The following ENDOD1 variants were observed in gnomAD, a reference collection of about 807,000 sequenced individuals.
The protein encoded by ENDOD1 is endonuclease domain containing 1.
ENDOD1 carries 9 observed loss-of-function variants against 6.5 expected under a neutral mutation model. That is an observed-to-expected ratio of 1.39 (90% confidence interval 0.84 to 2.43). The LOEUF is 2.43. Ranked by LOEUF, ENDOD1 falls within the 30% of genes most tolerant of loss-of-function variation. The pLI, the probability that ENDOD1 is intolerant of heterozygous loss-of-function variation, is 0.00. For missense variants in ENDOD1, 648 were observed against 635.5 expected, an observed-to-expected ratio of 1.02 and a Z score of -0.21; for synonymous variants, 255 against 255.2, an observed-to-expected ratio of 1.00 and a Z score of 0.01.
chr11:95,121,811 C>T (rs970846727), intron 1 of ENDOD1, among the ~76,000 whole-genome samples: 2 of 152,156 alleles, frequency 1.3e-5, no homozygotes, highest in Non-Finnish European at 2.9e-5. Context: ...CTAAAACCTA[C>T]TTAACATGTT....
At chr11:95,117,067 T>C (rs966095716) in intron 1 of ENDOD1, among the ~76,000 whole-genome samples, 2 of 152,230 alleles carry the variant, frequency 1.3e-5, no homozygotes, top group Admixed American at 1.3e-4. Context: ...TGTAGAAATC[T>C]TTAGCTATTG....
At chr11:95,124,311 C>T (rs1320492886) in intron 1 of ENDOD1, among the ~76,000 whole-genome samples, 1 of 152,126 alleles carries the variant, frequency 6.6e-6, no homozygotes, top group Admixed American at 6.5e-5. Flanking sequence ...GTAAAAATGC[C>T]TTCCACATAA....
At chr11:95,114,352 A>AT (rs1480465636) in intron 1 of ENDOD1, among the ~76,000 whole-genome samples, 2 of 147,496 alleles carry the variant, frequency 1.4e-5, no homozygotes, top group Non-Finnish European at 2.9e-5. Flanking sequence ...GGATTATTAG[A>AT]TTTTTTTCCT....
rs1399505498 is a variant in ENDOD1, at chr11:95,128,997, C to T, written c.921C>T (p.Ser307=). 2.5e-6 allele frequency: 4 copies of T among 1,613,846 alleles called. No individual in the cohort carries two copies. The highest frequency in any genetic ancestry group is 1.7e-5 in the Admixed American group (1 of 60,000). ...QSQKSSSPLS[S]TRSKRSTLLP... is the part of the protein sequence containing the mutation. ...AAAAGAGTTCTAGTCCCCTTTCTAG[C>T]ACCAGGAGCAAGAGGTCTACTCTGT... is the stretch of plus-strand genomic sequence containing the variant. The change falls in exon 2 of 2, where the codon AGC becomes AGT. Residue 307 remains serine, a synonymous_variant. Coordinates refer to ENST00000278505, the MANE Select transcript of ENDOD1 (RefSeq NM_015036.3).
intron 1 of ENDOD1, among the ~76,000 whole-genome samples, chr11:95,102,951 GA>G (rs1196250183): frequency 6.6e-6 from 1 of 152,178 alleles, no homozygotes; most frequent in African/African-American, 2.4e-5. Flanking sequence ...AGTTGACAGT[GA>G]TGTCTCTCAG....
intron 1 of ENDOD1, among the ~76,000 whole-genome samples, chr11:95,105,431 C>G (rs1186160270): frequency 6.6e-6 from 1 of 151,962 alleles, no homozygotes; most frequent in Non-Finnish European, 1.5e-5. Flanking sequence ...TTGAATTATT[C>G]TATTTTTTTT....
chr11:95,091,552 C>T (rs1000974941), intron 1 of ENDOD1, among the ~76,000 whole-genome samples: 5 of 152,240 alleles, frequency 3.3e-5, no homozygotes, highest in African/African-American at 1.2e-4. Context: ...GTGTTCCCCA[C>T]CTCTCATCTT....
At chr11:95,111,370 G>A (rs1555111919) in intron 1 of ENDOD1, among the ~76,000 whole-genome samples, 1 of 152,050 alleles carries the variant, frequency 6.6e-6, no homozygotes, top group East Asian at 1.9e-4. Context: ...GGGAGCAGGG[G>A]GATGGTTTCG....
chr11:95,125,460 T>TTAC (rs1484732941), intron 1 of ENDOD1, among the ~76,000 whole-genome samples: 4 of 152,156 alleles, frequency 2.6e-5, no homozygotes, highest in African/African-American at 7.2e-5. Flanking sequence ...ATTATTATTA[T>TTAC]ACTTTAAGTT....
chr11:95,127,151 G>A (rs1361153543), intron 1 of ENDOD1, among the ~76,000 whole-genome samples: 1 of 152,216 alleles, frequency 6.6e-6, no homozygotes, highest in Admixed American at 6.5e-5. Context: ...TCTAGTATGT[G>A]TCAGGCCTTG....
At position 95,132,627 on chromosome 11, in the gene ENDOD1, A is replaced by G. The variant is rs1331348948; in HGVS notation, c.*3048A>G. 6.6e-6 allele frequency: 1 copy of G among 152,248 alleles called. No homozygotes were observed. Among genetic ancestry groups the G allele is most frequent in the Admixed American group, 6.5e-5 (1 of 15,288 alleles). 9.4% of individuals were successfully genotyped at this position (152,248 alleles called of 1,614,324 possible). A position where few individuals can be genotyped will look rare whatever the true frequency, so the allele number is the denominator to read the frequency against. Reference sequence around the variant, plus strand: ...ATGATGTGCACCTTGCAGATGCTCAATAAAGTAATTACTGACAACTCGTTA... The same window carrying G: ...ATGATGTGCACCTTGCAGATGCTCAGTAAAGTAATTACTGACAACTCGTTA... On this transcript the variant is annotated 3_prime_UTR_variant, in exon 2 of 2. Transcript: ENST00000278505.
rs1387165191 is a variant in ENDOD1, at chr11:95,131,908, C to A, written c.*2329C>A. ...GCCAGTTTTGAAACCTAAAAAGGGA[C>A]AATAAAGCAAAAAGTATCAGTAAGG... On this transcript the variant is annotated 3_prime_UTR_variant, in exon 2 of 2. Transcript: ENST00000278505. 1 of 152,108 alleles carries A rather than the reference C, an allele frequency of 6.6e-6. No individual in the cohort carries two copies. The highest frequency in any genetic ancestry group is 1.5e-5 in the Non-Finnish European group (1 of 68,022). The allele number at this position is 152,108 out of a possible 1,614,324, so 9.4% of individuals were successfully genotyped here.
At position 95,090,238 on chromosome 11, in the gene ENDOD1, T is replaced by G; in HGVS notation, c.300+11T>G. On this transcript the variant is annotated intron_variant, in intron 1 of 1. Coordinates refer to ENST00000278505, the MANE Select transcript of ENDOD1 (RefSeq NM_015036.3). ...CTGGTGGAGCCGCAGGTAAGCGAAGTGGTTCCCGAGCCGGGCTGCGGGCGC... is the reference window on the plus strand; with the variant it reads ...CTGGTGGAGCCGCAGGTAAGCGAAGGGGTTCCCGAGCCGGGCTGCGGGCGC... 7.3e-7 allele frequency: 1 copy of G among 1,372,244 alleles called. No individual in the cohort carries two copies. Among genetic ancestry groups the G allele is most frequent in the Non-Finnish European group, 9.5e-7 (1 of 1,056,966 alleles). 85.0% of individuals were successfully genotyped at this position (1,372,244 alleles called of 1,614,324 possible). A position where few individuals can be genotyped will look rare whatever the true frequency, so the allele number is the denominator to read the frequency against.
At chr11:95,097,425 G>T (rs1229881558) in intron 1 of ENDOD1, among the ~76,000 whole-genome samples, 2 of 152,168 alleles carry the variant, frequency 1.3e-5, no homozygotes, top group Non-Finnish European at 2.9e-5. Flanking sequence ...GAACTAAGAG[G>T]CTGGTTTGGC....
chr11:95,099,331 C>T (rs1268678061), intron 1 of ENDOD1, among the ~76,000 whole-genome samples: 5 of 152,176 alleles, frequency 3.3e-5, no homozygotes, highest in Admixed American at 6.5e-5. Flanking sequence ...CATCTCTGGG[C>T]GTATGGAGAC....
chr11:95,128,371 T>C lies in ENDOD1; in HGVS notation c.301-6T>C. On this transcript the variant is annotated splice_polypyrimidine_tract_variant and splice_region_variant and intron_variant, in intron 1 of 1. Transcript: ENST00000278505. ...ATGCATCTCACCACTTGTTTTCTTC[T>C]TGCAGATCGATGACCCCAACAGCAA... 6.2e-7 allele frequency: 1 copy of C among 1,608,186 alleles called. No homozygotes were observed. Among genetic ancestry groups the C allele is most frequent in the Non-Finnish European group, 8.5e-7 (1 of 1,176,898 alleles).
At chr11:95,118,403 C>T (rs1859231284) in intron 1 of ENDOD1, among the ~76,000 whole-genome samples, 1 of 152,112 alleles carries the variant, frequency 6.6e-6, no homozygotes, top group South Asian at 2.1e-4. Context: ...ATTTCTTATT[C>T]ATGTATGAAG....
chr11:95,129,306 G>T lies in ENDOD1; in HGVS notation c.1230G>T (p.Arg410Ser). 1.2e-6 allele frequency: 2 copies of T among 1,614,148 alleles called. No individual in the cohort carries two copies. Among genetic ancestry groups the T allele is most frequent in the Non-Finnish European group, 1.7e-6 (2 of 1,180,038 alleles). Residue 410 changes from arginine (R) to serine (S), a missense_variant, in exon 2 of 2, where the codon AGG becomes AGT. By Grantham distance (110) the Arg-to-Ser change is moderately radical. Transcript: ENST00000278505. ...TCAAGGTCGTGGCCAAAGTCATCAG[G>T]GCTCTCCTCCGGATCCTTTGTTGTC... ...KVLKVVAKVI[R>S]ALLRILCCLL...
chr11:95,113,048 G>A (rs980780572), intron 1 of ENDOD1, among the ~76,000 whole-genome samples: 1 of 149,560 alleles, frequency 6.7e-6, no homozygotes, highest in East Asian at 2.0e-4. Context: ...AAATTTTTTT[G>A]TGGGTACATA....
Sources: gnomAD v4.1 joint callset for allele counts (sites outside exome capture counted in the v4.1 genomes callset) on GRCh38, gnomAD v4.1.1 for gene constraint, MANE v1.5 for transcripts, NCBI Gene and HGNC (gene_info 2026-07-23, HGNC 2026-07-21) for gene names.